Variants in ELF1 observed in about 807,000 individuals in gnomAD.
The protein encoded by ELF1 is ETS-related transcription factor Elf-1.
In ELF1, 24 loss-of-function variants were observed where a neutral mutation model predicts 59.9. The ratio of observed to expected loss-of-function variants is 0.40; its 90% CI spans 0.29 to 0.56. The LOEUF (loss-of-function observed/expected upper bound fraction) is 0.56, where lower values mean the gene tolerates loss of function less well. ELF1 is among the 20% of genes least tolerant of loss of function. ELF1 has a pLI of 0.44. For missense variants in ELF1, 627 were observed against 742.2 expected, an observed-to-expected ratio of 0.84 and a Z score of 1.80; for synonymous variants, 248 against 266.2, an observed-to-expected ratio of 0.93 and a Z score of 0.67.
chr13:41,031,774 G>A (rs1466653758), intron 1 of ELF1, among the ~76,000 whole-genome samples: 5 of 143,968 alleles, frequency 3.5e-5, no homozygotes, highest in Admixed American at 7.3e-5. Flanking sequence ...AGCCAAGATC[G>A]TGCCACTGCA....
At chr13:40,998,575 A>G (rs984489196) in intron 1 of ELF1, among the ~76,000 whole-genome samples, 3 of 152,214 alleles carry the variant, frequency 2.0e-5, no homozygotes, top group African/African-American at 2.4e-5. Flanking sequence ...GTATTTATAA[A>G]TTATACATTA....
chr13:41,031,329 CTG>C (rs1252504373), intron 1 of ELF1, among the ~76,000 whole-genome samples: 4 of 152,154 alleles, frequency 2.6e-5, no homozygotes, highest in Non-Finnish European at 5.9e-5. Context: ...CTACAACTAA[CTG>C]TAAGTGTGGA....
intron 1 of ELF1, among the ~76,000 whole-genome samples, chr13:41,048,836 C>T (rs140559251): frequency 1.6e-3 from 237 of 152,210 alleles, no homozygotes; most frequent in African/African-American, 5.2e-3. Flanking sequence ...CTTTTCACAG[C>T]CAAACTTCCT....
At chr13:41,061,304 G>A (rs1877612160) in exon 1 of ELF1, 2 of 370,828 alleles carry the variant, frequency 5.4e-6, no homozygotes, top group Non-Finnish European at 5.0e-6. Context: ...GGGCCCCAGG[G>A]GAGGACACAG....
intron 7 of ELF1, among the ~76,000 whole-genome samples, chr13:40,942,677 C>T (rs924707343): frequency 6.6e-6 from 1 of 152,036 alleles, no homozygotes; most frequent in East Asian, 1.9e-4. Flanking sequence ...CATACCACCA[C>T]GCCTGGCTAA....
chr13:41,034,790 T>TAAAA (rs368956919), intron 1 of ELF1, among the ~76,000 whole-genome samples: 25 of 117,328 alleles, frequency 2.1e-4, no homozygotes, highest in East Asian at 1.4e-3. Context: ...ATATTCCTAT[T>TAAAA]AAAAAAAAAA....
intron 1 of ELF1, among the ~76,000 whole-genome samples, chr13:41,058,195 G>C (rs745746874): frequency 6.6e-6 from 1 of 152,146 alleles, no homozygotes; most frequent in Admixed American, 6.5e-5. Context: ...CTTGATAAAA[G>C]AACCTGTTAC....
At chr13:40,950,321 A>G (rs1250243914) in intron 4 of ELF1, among the ~76,000 whole-genome samples, 1 of 152,192 alleles carries the variant, frequency 6.6e-6, no homozygotes. Flanking sequence ...TCCATAGTTC[A>G]TAGGAAAAAC....
chr13:41,028,823 T>A (rs7324293), intron 1 of ELF1, among the ~76,000 whole-genome samples: 86 of 152,280 alleles, frequency 5.6e-4, no homozygotes, highest in African/African-American at 2.1e-3. Flanking sequence ...AACCTCTGCC[T>A]CCCAGGTTCA....
At chr13:41,015,404 T>C (rs997194836) in intron 1 of ELF1, among the ~76,000 whole-genome samples, 1 of 152,008 alleles carries the variant, frequency 6.6e-6, no homozygotes, top group African/African-American at 2.4e-5. Flanking sequence ...CTAATACTGA[T>C]AATAAAGTAC....
chr13:40,978,429 T>A (rs1045717018), intron 2 of ELF1, among the ~76,000 whole-genome samples: 4 of 151,606 alleles, frequency 2.6e-5, no homozygotes, highest in African/African-American at 9.7e-5. Flanking sequence ...ATACTAATTT[T>A]AGGAGTGACA....
chr13:40,983,138 CTTTAGGTG>C (rs1400067046), intron 1 of ELF1, among the ~76,000 whole-genome samples: 1 of 152,122 alleles, frequency 6.6e-6, no homozygotes, highest in African/African-American at 2.4e-5. Context: ...GGAAAAAATT[CTTTAGGTG>C]TTTATCACAA....
At chr13:40,970,949 T>C (rs1872508502) in intron 2 of ELF1, among the ~76,000 whole-genome samples, 1 of 152,124 alleles carries the variant, frequency 6.6e-6, no homozygotes, top group Admixed American at 6.5e-5. Flanking sequence ...AAGCAGCTAC[T>C]ATGTTAAGGA....
chr13:41,045,727 G>A (rs1042912944), intron 1 of ELF1, among the ~76,000 whole-genome samples: 13 of 152,172 alleles, frequency 8.5e-5, no homozygotes, highest in African/African-American at 1.2e-4. Context: ...GAATAAGTGC[G>A]ATATGGTGCT....
chr13:41,015,381 G>C (rs1350443217), intron 1 of ELF1, among the ~76,000 whole-genome samples: 1 of 151,988 alleles, frequency 6.6e-6, no homozygotes, highest in Non-Finnish European at 1.5e-5. Context: ...TGGGAAAGGA[G>C]CCCAAATGGG....
At chr13:41,043,701 G>A (rs1350975941) in intron 1 of ELF1, among the ~76,000 whole-genome samples, 2 of 152,162 alleles carry the variant, frequency 1.3e-5, no homozygotes, top group African/African-American at 2.4e-5. Context: ...TTTGCTTACT[G>A]TAGCCTTGTA....
At chr13:40,955,859 A>G (rs1871363380) in intron 3 of ELF1, among the ~76,000 whole-genome samples, 3 of 101,276 alleles carry the variant, frequency 3.0e-5, no homozygotes, top group African/African-American at 9.3e-5. Flanking sequence ...GGAAGAGAGG[A>G]GCCCCTCCGC....
In ELF1 at chr13:40,943,023, T is replaced by C; in HGVS notation, c.735A>G (p.Ala245=). Residue 245 remains alanine, a synonymous_variant, in exon 7 of 9, where the codon GCA becomes GCG. Coordinates refer to ENST00000239882, the MANE Select transcript of ELF1 (RefSeq NM_172373.4). Reference sequence around the variant, plus strand: ...TGTGCTTCCCCCACAACCTGGACACTGCTTTAGAATCCACCAATTTAAAAA... The same window carrying C: ...TGTGCTTCCCCCACAACCTGGACACCGCTTTAGAATCCACCAATTTAAAAA... ...KGIFKLVDSK[A]VSRLWGKHKN... 2 of 1,612,820 alleles carry C rather than the reference T, an allele frequency of 1.2e-6. No individual in the cohort carries two copies. Among genetic ancestry groups the C allele is most frequent in the Non-Finnish European group, 1.7e-6 (2 of 1,179,186 alleles).
chr13:41,056,153 G>A (rs1283622888), intron 1 of ELF1, among the ~76,000 whole-genome samples: 1 of 152,114 alleles, frequency 6.6e-6, no homozygotes, highest in Non-Finnish European at 1.5e-5. Flanking sequence ...CACATTGGCA[G>A]TCACCTCACC....
Sources: gnomAD v4.1 joint callset for allele counts (sites outside exome capture counted in the v4.1 genomes callset) on GRCh38, gnomAD v4.1.1 for gene constraint, MANE v1.5 for transcripts, NCBI Gene and HGNC (gene_info 2026-07-23, HGNC 2026-07-21) for gene names.